The following EPB41L1 variants were observed in gnomAD, a reference collection of about 807,000 sequenced individuals.
EPB41L1 encodes erythrocyte membrane protein band 4.1 like 1, also known as band 4.1-like protein 1.
A neutral mutation model predicts 97.8 loss-of-function variants in EPB41L1; 29 were observed. That is an observed-to-expected ratio of 0.30 (90% CI 0.22 to 0.40). The LOEUF is 0.40. EPB41L1 is among the 10% of genes least tolerant of loss of function. EPB41L1 has a pLI of 1.00. For missense variants in EPB41L1, 812 were observed against 1,162.3 expected (o/e 0.70, Z 4.38); for synonymous variants, 383 against 459.2 (o/e 0.83, Z 2.12).
In EPB41L1 at chr20:36,207,715, G is replaced by T; in HGVS notation, c.1669-1773G>T. 1 of 1,289,988 alleles carries T rather than the reference G, an allele frequency of 7.8e-7. No homozygotes were observed. The highest frequency in any genetic ancestry group is 1.0e-6 in the Non-Finnish European group (1 of 988,888). 79.9% of individuals were successfully genotyped at this position (1,289,988 alleles called of 1,614,324 possible). On this transcript the variant is annotated intron_variant, in intron 14 of 21. Coordinates refer to ENST00000338074, the MANE Select transcript of EPB41L1 (RefSeq NM_012156.2). This position sits in a 1 kb window ranked among gnomAD's most constrained non-coding sequence, Gnocchi z 4.9. ...TGCATCCTACCAGGAAGCACACACGGAACTAGAGCCCGTGTCCCCCAATTC... is the reference window on the plus strand; with the variant it reads ...TGCATCCTACCAGGAAGCACACACGTAACTAGAGCCCGTGTCCCCCAATTC...
At chr20:36,140,083 C>T (rs1325641984) in intron 2 of EPB41L1, among the ~76,000 whole-genome samples, 2 of 148,782 alleles carry the variant, frequency 1.3e-5, no homozygotes, top group Non-Finnish European at 3.0e-5. Flanking sequence ...GAGACAGAGT[C>T]TCGCTCTGTC....
chr20:36,116,032 C>T (rs1030995859), intron 2 of EPB41L1, among the ~76,000 whole-genome samples: 1 of 152,194 alleles, frequency 6.6e-6, no homozygotes, highest in African/African-American at 2.4e-5. Flanking sequence ...TCAGGTCTGC[C>T]TAGCTCCAGA....
At chr20:36,205,465 T>C (rs1212026750) in intron 14 of EPB41L1, among the ~76,000 whole-genome samples, 4 of 152,172 alleles carry the variant, frequency 2.6e-5, no homozygotes, top group African/African-American at 9.7e-5. Flanking sequence ...AAAGACTCCA[T>C]GTGATGGAAA....
chr20:36,185,882 C>T (rs1269665521), intron 7 of EPB41L1, among the ~76,000 whole-genome samples: 1 of 152,196 alleles, frequency 6.6e-6, no homozygotes, highest in Non-Finnish European at 1.5e-5. Flanking sequence ...TGCATGTTGG[C>T]TGTTAGTGTT....
chr20:36,194,279 T>C lies in EPB41L1; in HGVS notation c.1368T>C (p.Asp456=). 6.2e-7 allele frequency: 1 copy of C among 1,614,024 alleles called. No homozygotes were observed. The highest frequency in any genetic ancestry group is 1.1e-5 in the South Asian group (1 of 91,082). ...HDAGPDGDKR[D]EDGESGGQRS... ...CAGGGCCTGACGGTGACAAGCGGGA[T>C]GAGGATGGCGAGTCTGGGGGGCAAC... is the stretch of plus-strand genomic sequence containing the variant. Residue 456 remains aspartate (D), a synonymous_variant, in exon 12 of 22, where the codon GAT becomes GAC. Coordinates refer to ENST00000338074, the MANE Select transcript of EPB41L1 (RefSeq NM_012156.2).
chr20:36,142,909 A>G (rs369561905), intron 2 of EPB41L1, among the ~76,000 whole-genome samples: 2 of 152,326 alleles, frequency 1.3e-5, no homozygotes, highest in African/African-American at 4.8e-5. Context: ...CATTCATTCT[A>G]GAAGCTGGCA....
intron 1 of EPB41L1, among the ~76,000 whole-genome samples, chr20:36,101,118 C>T (rs2147498789): frequency 6.6e-6 from 1 of 152,310 alleles, no homozygotes; most frequent in South Asian, 2.1e-4. Context: ...CCTCACAAGA[C>T]TGCTTGGGAG....
intron 2 of EPB41L1, among the ~76,000 whole-genome samples, chr20:36,149,585 C>CA (rs1469667848): frequency 6.6e-6 from 1 of 152,272 alleles, no homozygotes; most frequent in African/African-American, 2.4e-5. Context: ...TCCACCCAGA[C>CA]ACAGCTGCCC....
intron 2 of EPB41L1, among the ~76,000 whole-genome samples, chr20:36,123,258 C>G (rs559499472): frequency 1.3e-5 from 2 of 152,186 alleles, no homozygotes; most frequent in South Asian, 4.2e-4. Flanking sequence ...GACCTTCAGA[C>G]CAGCCCAGGG....
chr20:36,188,208 G>A (rs2061765610), intron 8 of EPB41L1, 139 bp from the exon 9 acceptor site: 2 of 1,124,534 alleles, frequency 1.8e-6, no homozygotes, highest in East Asian at 2.4e-5. Flanking sequence ...TGGTCAGTGG[G>A]ACTCCAGCAT....
Position 36,207,430 on chromosome 20 carries a change from A to G in EPB41L1, c.1669-2058A>G, listed in dbSNP as rs1398966455. On this transcript the variant is annotated intron_variant, in intron 14 of 21. Coordinates refer to ENST00000338074, the MANE Select transcript of EPB41L1 (RefSeq NM_012156.2). This position sits in a 1 kb window ranked among gnomAD's most constrained non-coding sequence, Gnocchi z 4.9. ...CCAAGAGGGCTCCCTAGAAGATATT[A>G]GCAAGACCTCAGTGGCCAACAAAAT... 7.8e-7 allele frequency: 1 copy of G among 1,289,804 alleles called. No homozygotes were observed. Among genetic ancestry groups the G allele is most frequent in the Non-Finnish European group, 1.0e-6 (1 of 988,860 alleles). The allele number at this position is 1,289,804 out of a possible 1,614,324, so 79.9% of individuals were successfully genotyped here.
chr20:36,128,415 T>G (rs1243339587), intron 2 of EPB41L1, among the ~76,000 whole-genome samples: 2 of 152,192 alleles, frequency 1.3e-5, no homozygotes, highest in Non-Finnish European at 2.9e-5. Flanking sequence ...GAAAAAAGTA[T>G]TGGCCTTGGG....
At chr20:36,205,942 C>A (rs907561862) in intron 14 of EPB41L1, 1 of 1,289,782 alleles carries the variant, frequency 7.8e-7, no homozygotes, top group Non-Finnish European at 1.0e-6. Context: ...GGAAGAAAGG[C>A]AGGCAGGCCT....
chr20:36,185,039 T>C, intron 6 of EPB41L1, 78 bp from the exon 7 acceptor site: 1 of 1,427,218 alleles, frequency 7.0e-7, no homozygotes. Context: ...TTCTATTTAG[T>C]TCTGATGGAC....
In EPB41L1 at chr20:36,131,099, C is replaced by A. The variant is rs190174537; in HGVS notation, c.-10+18619C>A. Reference sequence around the variant, plus strand: ...CAAGTGATTCTCCTGCCTCAGCCTCCCGAGTAGCTGGGGTTACAGGCATGT... The same window carrying A: ...CAAGTGATTCTCCTGCCTCAGCCTCACGAGTAGCTGGGGTTACAGGCATGT... On this transcript the variant is annotated intron_variant, in intron 2 of 19. Transcript: ENST00000202028. Among the ~76,000 whole-genome samples, 113 of 152,182 alleles carry A rather than the reference C, an allele frequency of 7.4e-4. 2 individuals carry two copies. In the East Asian group the frequency reaches 0.018, roughly 24 times the overall value.
chr20:36,229,421 C>G lies in EPB41L1; in HGVS notation c.*81C>G. 1 of 1,414,790 alleles carries G rather than the reference C, an allele frequency of 7.1e-7. No homozygotes were observed. Among genetic ancestry groups the G allele is most frequent in the East Asian group, 2.3e-5 (1 of 43,866 alleles). The allele number at this position is 1,414,790 out of a possible 1,614,324, so 87.6% of individuals were successfully genotyped here. A position where few individuals can be genotyped will look rare whatever the true frequency, so the allele number is the denominator to read the frequency against. ...GAAGGGGCCTTCATTCTGGATTCTCCGACGCAACACTGACGTCCCAGCTGC... is the reference window on the plus strand; with the variant it reads ...GAAGGGGCCTTCATTCTGGATTCTCGGACGCAACACTGACGTCCCAGCTGC... On this transcript the variant is annotated 3_prime_UTR_variant, in exon 22 of 22. Coordinates refer to ENST00000338074, the MANE Select transcript of EPB41L1 (RefSeq NM_012156.2).
At position 36,209,964 on chromosome 20, in the gene EPB41L1, C is replaced by A; in HGVS notation, c.2079+66C>A. 6.3e-7 allele frequency: 1 copy of A among 1,578,546 alleles called. No homozygotes were observed. The highest frequency in any genetic ancestry group is 8.6e-7 in the Non-Finnish European group (1 of 1,161,924). On this transcript the variant is annotated intron_variant, in intron 15 of 21. Transcript: ENST00000338074. The surrounding 1 kb of genome is among the most constrained non-coding windows in gnomAD (Gnocchi z 4.2). ...CGCATGCTCAGAGGGCCCTGGGCCA[C>A]CCGTGAGAAGACCGAGCACCCAGCC...
At chr20:36,102,389 C>T (rs934097410) in intron 1 of EPB41L1, among the ~76,000 whole-genome samples, 7 of 152,132 alleles carry the variant, frequency 4.6e-5, no homozygotes, top group African/African-American at 1.2e-4. Flanking sequence ...TGGAGCCTAA[C>T]GTCTAGAGAA....
intron 1 of EPB41L1, among the ~76,000 whole-genome samples, chr20:36,104,849 C>T (rs2058138183): frequency 6.6e-6 from 1 of 152,178 alleles, no homozygotes; most frequent in African/African-American, 2.4e-5. Context: ...ACCGAGTGAA[C>T]TGGCCTCGCG....
Sources: gnomAD v4.1 joint callset for allele counts (sites outside exome capture counted in the v4.1 genomes callset) on GRCh38, gnomAD v4.1.1 for gene constraint, Gnocchi (gnomAD v3.1) non-coding constraint, MANE v1.5 for transcripts, NCBI Gene and HGNC (gene_info 2026-07-23, HGNC 2026-07-21) for gene names.